Variants in ESRRB observed in about 807,000 individuals in gnomAD.
ESRRB encodes the protein steroid hormone receptor ERR2.
Under a neutral mutation model 46.0 loss-of-function variants are expected in ESRRB, and 16 were observed. The observed-to-expected ratio is 0.35, with a 90% CI of 0.24 to 0.53. ESRRB has a LOEUF of 0.53. ESRRB is among the 20% of genes least tolerant of loss of function. The probability of loss-of-function intolerance (pLI) is 0.93; values close to 1 mark genes in which losing one functional copy is unlikely to be tolerated. For missense variants in ESRRB, 488 were observed against 607.4 expected (o/e 0.80, Z 2.07); for synonymous variants, 246 against 259.6 (o/e 0.95, Z 0.50).
chr14:76,311,409 G>T (rs1883732071), intron 1 of ESRRB, among the ~76,000 whole-genome samples: 1 of 152,112 alleles, frequency 6.6e-6, no homozygotes, highest in Non-Finnish European at 1.5e-5. Flanking sequence ...GGAAGTTTTG[G>T]TTTCAACCTG....
In ESRRB at chr14:76,327,503, ATG is replaced by A. The variant is rs566970694; in HGVS notation, c.2+16588_2+16589del. ...GATGATGATAATGATGATGATGATG[ATG>A]ATGATGATGATGAGCCAGGCACTGC... On this transcript the variant is annotated intron_variant, in intron 1 of 6. Coordinates refer to the ESRRB transcript ENST00000512784. 1.4e-4 allele frequency among the ~76,000 whole-genome samples: 21 copies of A among 152,148 alleles called. No individual in the cohort carries two copies. The South Asian group carries it at 4.1e-3, about 30-fold the overall frequency.
intron 1 of ESRRB, among the ~76,000 whole-genome samples, chr14:76,346,044 G>A (rs1884246023): frequency 6.6e-6 from 1 of 152,134 alleles, no homozygotes; most frequent in Non-Finnish European, 1.5e-5. Context: ...GGTATCCGGT[G>A]GTTGCCGGAA....
At chr14:76,337,572 G>T (rs934318317) in intron 1 of ESRRB, among the ~76,000 whole-genome samples, 1 of 152,114 alleles carries the variant, frequency 6.6e-6, no homozygotes, top group Non-Finnish European at 1.5e-5. Flanking sequence ...GCTGGATGGG[G>T]AAGGGCGGGT....
At chr14:76,451,334 C>T (rs527942176) in intron 2 of ESRRB, among the ~76,000 whole-genome samples, 1 of 152,278 alleles carries the variant, frequency 6.6e-6, no homozygotes, top group African/African-American at 2.4e-5. Flanking sequence ...TTTTCCTGAG[C>T]CTTAATGTCC....
At chr14:76,490,939 C>A (rs1244091738) in intron 5 of ESRRB, among the ~76,000 whole-genome samples, 1 of 152,158 alleles carries the variant, frequency 6.6e-6, no homozygotes, top group Non-Finnish European at 1.5e-5. Context: ...CGTCCTCGTT[C>A]TTGGTCAGGC....
chr14:76,422,432 C>T (rs1386657703), intron 1 of ESRRB, among the ~76,000 whole-genome samples: 2 of 151,850 alleles, frequency 1.3e-5, no homozygotes, highest in African/African-American at 4.8e-5. Flanking sequence ...AGGATGGTCT[C>T]GATCTCCTGA....
At chr14:76,335,522 G>A (rs958792602) in intron 1 of ESRRB, among the ~76,000 whole-genome samples, 1 of 152,246 alleles carries the variant, frequency 6.6e-6, no homozygotes, top group Non-Finnish European at 1.5e-5. Flanking sequence ...TGTGGTTGCA[G>A]TGGTAGCGAA....
intron 1 of ESRRB, among the ~76,000 whole-genome samples, chr14:76,326,826 G>C (rs941122109): frequency 1.3e-5 from 2 of 152,224 alleles, no homozygotes; most frequent in African/African-American, 4.8e-5. Context: ...GGGGAAAAAA[G>C]CACCCTTCTT....
chr14:76,470,581 T>C (rs984228973), intron 3 of ESRRB, among the ~76,000 whole-genome samples: 1 of 152,238 alleles, frequency 6.6e-6, no homozygotes, highest in Non-Finnish European at 1.5e-5. Context: ...CTTGGAATTG[T>C]AGCCATTATC....
chr14:76,376,458 G>T lies in ESRRB; in HGVS notation c.50+7G>T, dbSNP rs1389362026. 23 of 1,231,692 alleles carry T rather than the reference G, an allele frequency of 1.9e-5. No individual in the cohort carries two copies. In the East Asian group the frequency reaches 7.3e-4, roughly 39 times the overall value. 76.3% of individuals were successfully genotyped at this position (1,231,692 alleles called of 1,614,324 possible). Reference sequence around the variant, plus strand: ...CCCTCGGCTACCACAACCAGTAGGTGCCCTGCTTCTCGGTCTGTCTGTCCT... The same window carrying T: ...CCCTCGGCTACCACAACCAGTAGGTTCCCTGCTTCTCGGTCTGTCTGTCCT... On this transcript the variant is annotated splice_region_variant and intron_variant, in intron 1 of 6. Coordinates refer to ENST00000644823, the MANE Select transcript of ESRRB (RefSeq NM_001379180.1). The surrounding 1 kb of genome is among the most constrained non-coding windows in gnomAD (Gnocchi z 4.1).
intron 1 of ESRRB, among the ~76,000 whole-genome samples, chr14:76,431,754 G>C (rs1186349980): frequency 6.6e-6 from 1 of 152,216 alleles, no homozygotes; most frequent in Non-Finnish European, 1.5e-5. Context: ...ATGGGCGTCT[G>C]TTCCCTCCCC....
chr14:76,329,066 G>A (rs1883971678), intron 1 of ESRRB, among the ~76,000 whole-genome samples: 3 of 152,254 alleles, frequency 2.0e-5, no homozygotes, highest in Middle Eastern at 6.8e-3. Context: ...TAAGAGAAGG[G>A]AAGGGGCTTG....
chr14:76,493,652 T>A (rs1343242839), intron 6 of ESRRB, among the ~76,000 whole-genome samples: 1 of 152,240 alleles, frequency 6.6e-6, no homozygotes, highest in African/African-American at 2.4e-5. Flanking sequence ...CCAACTGGTT[T>A]GCTCAATACT....
Position 76,496,564 on chromosome 14 carries a change from AG to A in ESRRB, c.1121-1648del, listed in dbSNP as rs1890437994. ...GGATTGTGATGGGGTCAGTACAGGG[AG>A]GCAGGAAGGGTTGTGCGGGAGTGAC... On this transcript the variant is annotated intron_variant, in intron 6 of 6. Transcript: ENST00000644823. 2.1e-5 allele frequency among the ~76,000 whole-genome samples: 3 copies of A among 144,566 alleles called. No individual in the cohort carries two copies. The South Asian group carries it at 7.1e-4, about 34-fold the overall frequency. The allele number at this position is 144,566 out of a possible 152,430, so 94.8% of individuals were successfully genotyped here. A position where few individuals can be genotyped will look rare whatever the true frequency, so the allele number is the denominator to read the frequency against.
At chr14:76,349,497 C>T (rs1884289030) in intron 1 of ESRRB, among the ~76,000 whole-genome samples, 2 of 152,268 alleles carry the variant, frequency 1.3e-5, no homozygotes, top group East Asian at 1.9e-4. Context: ...GTGTGGCCTC[C>T]TGCGAGATGC....
At position 76,500,110 on chromosome 14, in the gene ESRRB, C is replaced by A; in HGVS notation, c.*1652C>A. On this transcript the variant is annotated 3_prime_UTR_variant, in exon 7 of 7. Transcript: ENST00000644823. The stretch of plus-strand genomic sequence containing the variant: ...TCCATAGAAGCCCTGGTCCCACCTC[C>A]TTGGCTCTACCCCAGGAACCTCCCG... The A allele has an allele frequency of 6.7e-7, 1 of 1,503,630 alleles. No homozygotes were observed. The highest frequency in any genetic ancestry group is 9.0e-7 in the Non-Finnish European group (1 of 1,109,738). The allele number at this position is 1,503,630 out of a possible 1,614,324, so 93.1% of individuals were successfully genotyped here.
At chr14:76,326,909 C>T (rs1048003270) in intron 1 of ESRRB, among the ~76,000 whole-genome samples, 1 of 152,272 alleles carries the variant, frequency 6.6e-6, no homozygotes, top group African/African-American at 2.4e-5. Flanking sequence ...GCATAGGCCA[C>T]CATCTGCTAG....
intron 1 of ESRRB, among the ~76,000 whole-genome samples, chr14:76,391,552 G>A (rs1166302836): frequency 6.6e-6 from 1 of 152,218 alleles, no homozygotes. Flanking sequence ...CCTTTGGAGC[G>A]GCCTTGCCGA....
At chr14:76,367,987 C>G (rs1044219185), upstream of ESRRB, among the ~76,000 whole-genome samples, 1 of 143,658 alleles carries the variant, frequency 7.0e-6, no homozygotes, top group Non-Finnish European at 1.5e-5. Context: ...GAGTCTCGCT[C>G]TGTCACCCAG....
Sources: allele counts gnomAD v4.1 joint callset (sites outside exome capture counted in the v4.1 genomes callset), GRCh38; gene constraint gnomAD v4.1.1; non-coding constraint Gnocchi (gnomAD v3.1); transcripts MANE v1.5; gene names NCBI Gene and HGNC (gene_info 2026-07-23, HGNC 2026-07-21).